The following SND1 variants were observed in gnomAD, a reference collection of about 807,000 sequenced individuals.
The protein encoded by SND1 is staphylococcal nuclease and tudor domain containing 1.
In SND1, 38 loss-of-function variants were observed where a neutral mutation model predicts 121.7. The observed-to-expected ratio is 0.31, with a 90% CI of 0.24 to 0.41. The LOEUF is 0.41. SND1 is among the 10% of genes least tolerant of loss of function. SND1 has a pLI of 1.00. For synonymous variants in SND1, 401 were observed against 447.4 expected, an observed-to-expected ratio of 0.90 and a Z score of 1.31; for missense variants, 868 against 1,184.6, an observed-to-expected ratio of 0.73 and a Z score of 3.92.
intron 10 of SND1, among the ~76,000 whole-genome samples, chr7:127,803,155 TG>T (rs1456033476): frequency 1.3e-5 from 2 of 152,230 alleles, no homozygotes; most frequent in African/African-American, 4.8e-5. Flanking sequence ...CTAGCTGCAG[TG>T]GTGGTGCCTT....
intron 12 of SND1, among the ~76,000 whole-genome samples, chr7:127,876,461 A>G (rs1280812385): frequency 6.6e-6 from 1 of 152,122 alleles, no homozygotes; most frequent in Non-Finnish European, 1.5e-5. Flanking sequence ...CAGGAATGAG[A>G]GAGATGTCAG....
rs941910047 is a variant in SND1, at chr7:127,943,070, G to A, written c.1669+13741G>A. ...CCCTTAAAGAATACATCTTACTATT[G>A]GAATGAGTGCTGGGTGGTTGGTAGC... On this transcript the variant is annotated intron_variant, in intron 15 of 23. Transcript: ENST00000354725. Among the ~76,000 whole-genome samples, 6 of 152,146 alleles carry A rather than the reference G, an allele frequency of 3.9e-5. No individual in the cohort carries two copies. The East Asian group carries it at 9.6e-4, about 24-fold the overall frequency.
At chr7:128,081,785 G>A (rs925644524) in intron 18 of SND1, 3 of 613,094 alleles carry the variant, frequency 4.9e-6, no homozygotes, top group Non-Finnish European at 9.7e-6. Context: ...AGGTTTATCT[G>A]GGTGGAGCTC....
intron 11 of SND1, among the ~76,000 whole-genome samples, chr7:127,813,334 GTTGA>G (rs1798366904): frequency 1.3e-5 from 2 of 152,150 alleles, no homozygotes; most frequent in Admixed American, 6.5e-5. Context: ...TAAAGAGAAG[GTTGA>G]TTAACAGAAA....
intron 12 of SND1, among the ~76,000 whole-genome samples, chr7:127,872,467 T>C (rs1453585448): frequency 6.6e-6 from 1 of 152,218 alleles, no homozygotes; most frequent in Non-Finnish European, 1.5e-5. Flanking sequence ...AATTAATTGA[T>C]CAGTGTTTAT....
chr7:127,961,170 C>G (rs1801722205), intron 15 of SND1, among the ~76,000 whole-genome samples: 1 of 152,158 alleles, frequency 6.6e-6, no homozygotes, highest in Non-Finnish European at 1.5e-5. Context: ...CTGATTGTTA[C>G]TAAATGTATA....
chr7:127,750,805 C>A (rs1177644361), intron 10 of SND1, among the ~76,000 whole-genome samples: 3 of 152,090 alleles, frequency 2.0e-5, no homozygotes. Context: ...TTTAAAGTAA[C>A]CTCACATCTG....
chr7:127,988,191 G>A (rs1802438102), intron 15 of SND1, among the ~76,000 whole-genome samples: 1 of 152,268 alleles, frequency 6.6e-6, no homozygotes, highest in Admixed American at 6.5e-5. Context: ...GATGTAGCTC[G>A]GCTCGGCAAA....
chr7:127,909,924 C>T (rs1428130905), intron 14 of SND1, among the ~76,000 whole-genome samples: 2 of 152,116 alleles, frequency 1.3e-5, no homozygotes, highest in Admixed American at 1.3e-4. Context: ...AAGATTAAAT[C>T]AATAGATAAG....
chr7:127,776,463 A>G (rs141762615), intron 10 of SND1, among the ~76,000 whole-genome samples: 4 of 152,338 alleles, frequency 2.6e-5, no homozygotes, highest in African/African-American at 9.6e-5. Flanking sequence ...AGAATATAAA[A>G]ATGAAAAAGT....
At chr7:128,038,784 A>G (rs1792798348) in intron 16 of SND1, among the ~76,000 whole-genome samples, 1 of 152,086 alleles carries the variant, frequency 6.6e-6, no homozygotes, top group Non-Finnish European at 1.5e-5. Context: ...GTGTGAGTTA[A>G]TATCTTACAT....
chr7:127,835,524 A>G (rs1798850713), intron 11 of SND1, among the ~76,000 whole-genome samples: 1 of 152,148 alleles, frequency 6.6e-6, no homozygotes, highest in Admixed American at 6.5e-5. Flanking sequence ...GAAGGGACAT[A>G]CAGGCTACAC....
intron 21 of SND1, 47 bp downstream of exon 21, chr7:128,087,098 C>T (rs1353143559): frequency 7.0e-7 from 1 of 1,437,754 alleles, no homozygotes; most frequent in Non-Finnish European, 9.8e-7. Flanking sequence ...TCCACTGACA[C>T]TTAGCCGCTG....
intron 10 of SND1, among the ~76,000 whole-genome samples, chr7:127,769,999 G>A (rs914179103): frequency 4.6e-5 from 7 of 152,094 alleles, no homozygotes; most frequent in Non-Finnish European, 1.0e-4. Context: ...TTCATGTGAG[G>A]TATCCTTCTG....
At chr7:127,718,004 A>G (rs1385387810) in intron 9 of SND1, among the ~76,000 whole-genome samples, 1 of 152,172 alleles carries the variant, frequency 6.6e-6, no homozygotes, top group Non-Finnish European at 1.5e-5. Flanking sequence ...GACTCATGGC[A>G]GCCCTTAGCC....
intron 12 of SND1, among the ~76,000 whole-genome samples, chr7:127,847,271 C>CA (rs1475405034): frequency 2.0e-5 from 3 of 151,886 alleles, no homozygotes; most frequent in Non-Finnish European, 4.4e-5. Flanking sequence ...GACTTTGTCT[C>CA]AAAAAACAAA....
At chr7:127,905,383 T>C (rs1006134267) in intron 14 of SND1, among the ~76,000 whole-genome samples, 4 of 152,194 alleles carry the variant, frequency 2.6e-5, no homozygotes, top group Non-Finnish European at 5.9e-5. Flanking sequence ...AATGTTTCTT[T>C]AACTGTAAGG....
intron 13 of SND1, among the ~76,000 whole-genome samples, chr7:127,891,598 GT>G (rs1053583208): frequency 1.3e-5 from 2 of 151,898 alleles, no homozygotes; most frequent in African/African-American, 4.8e-5. Flanking sequence ...ACTCTGCTTT[GT>G]GATTTTATGC....
intron 15 of SND1, among the ~76,000 whole-genome samples, chr7:127,959,639 CTT>C (rs1801680873): frequency 6.6e-6 from 1 of 152,188 alleles, no homozygotes; most frequent in South Asian, 2.1e-4. Flanking sequence ...CAACCGTCCT[CTT>C]TAAAATCGCA....
Sources: allele counts gnomAD v4.1 joint callset (sites outside exome capture counted in the v4.1 genomes callset), GRCh38; gene constraint gnomAD v4.1.1; transcripts MANE v1.5; gene names NCBI Gene and HGNC (gene_info 2026-07-23, HGNC 2026-07-21).